The following DIAPH3 variants were observed in gnomAD, a reference collection of about 807,000 sequenced individuals.
The protein encoded by DIAPH3 is protein diaphanous homolog 3.
DIAPH3 carries 117 observed loss-of-function variants against 144.3 expected under a neutral mutation model. The ratio of observed to expected loss-of-function variants is 0.81; its 90% CI spans 0.70 to 0.95. DIAPH3 has a LOEUF of 0.95. Among genes scored for constraint, DIAPH3 ranks in the 40% least tolerant of loss-of-function variants. The pLI is 0.00. For missense variants in DIAPH3, 1,421 were observed against 1,412.7 expected (o/e 1.01, Z -0.09); for synonymous variants, 519 against 488.9 (o/e 1.06, Z -0.81).
chr13:60,112,318 G>T (rs2058591490), intron 2 of DIAPH3, 132 bp from the exon 3 acceptor site: 1 of 1,037,148 alleles, frequency 9.6e-7, no homozygotes, highest in Non-Finnish European at 1.4e-6. Flanking sequence ...ATTCAGCATT[G>T]GAATATTTAA....
At chr13:59,891,688 A>G (rs1353475714) in intron 20 of DIAPH3, among the ~76,000 whole-genome samples, 1 of 152,062 alleles carries the variant, frequency 6.6e-6, no homozygotes, top group Non-Finnish European at 1.5e-5. Flanking sequence ...TTGCAGAAGC[A>G]TTTAAACAGG....
intron 20 of DIAPH3, among the ~76,000 whole-genome samples, chr13:59,896,029 T>C (rs1243884269): frequency 6.6e-6 from 1 of 152,210 alleles, no homozygotes; most frequent in Non-Finnish European, 1.5e-5. Flanking sequence ...TCTAATTCTT[T>C]GCCAATATAT....
At chr13:59,982,351 C>A (rs1483679241) in intron 13 of DIAPH3, among the ~76,000 whole-genome samples, 1 of 151,378 alleles carries the variant, frequency 6.6e-6, no homozygotes, top group Non-Finnish European at 1.5e-5. Flanking sequence ...TATTCAAAAT[C>A]ATTCCACATT....
At chr13:59,770,052 GT>G (rs2038043404) in intron 27 of DIAPH3, among the ~76,000 whole-genome samples, 1 of 152,034 alleles carries the variant, frequency 6.6e-6, no homozygotes, top group Non-Finnish European at 1.5e-5. Flanking sequence ...CTTCTAAGAA[GT>G]GAGTAACCAA....
chr13:60,116,311 C>T (rs2058702200), intron 2 of DIAPH3, among the ~76,000 whole-genome samples: 1 of 151,982 alleles, frequency 6.6e-6, no homozygotes, highest in Non-Finnish European at 1.5e-5. Context: ...ATATAACTCA[C>T]CACCATAAGC....
At chr13:59,987,473 A>G (rs2051479181) in intron 12 of DIAPH3, among the ~76,000 whole-genome samples, 1 of 127,298 alleles carries the variant, frequency 7.9e-6, no homozygotes, top group Non-Finnish European at 1.6e-5. Context: ...CTTAAAGTAT[A>G]ATAAAAAAAA....
intron 27 of DIAPH3, among the ~76,000 whole-genome samples, chr13:59,766,194 A>G (rs2037850877): frequency 1.3e-5 from 2 of 152,164 alleles, no homozygotes; most frequent in South Asian, 4.1e-4. Context: ...TAGAACCTTT[A>G]GGCTGCTGGG....
At chr13:59,825,284 G>A (rs76380913) in intron 24 of DIAPH3, among the ~76,000 whole-genome samples, 2,970 of 152,066 alleles carry the variant, frequency 0.02, 82 homozygotes, top group East Asian at 0.12. Flanking sequence ...GAGAACATAT[G>A]GTGTTTGGTT....
chr13:59,901,933 G>A lies in DIAPH3; in HGVS notation c.2367+9802C>T, dbSNP rs1036080589. On this transcript the variant is annotated intron_variant, in intron 20 of 27. Coordinates refer to ENST00000400324, the MANE Select transcript of DIAPH3 (RefSeq NM_001042517.2). ...CACCCTCTGCCTCCCCAGTTCATGCGATTCTCATGCCTCAGCCACCCGAAT... is the reference window on the plus strand; with the variant it reads ...CACCCTCTGCCTCCCCAGTTCATGCAATTCTCATGCCTCAGCCACCCGAAT... Among the ~76,000 whole-genome samples, 4 of 152,122 alleles carry A rather than the reference G, an allele frequency of 2.6e-5. No homozygotes were observed. In the South Asian group the frequency reaches 6.2e-4, roughly 24 times the overall value.
At chr13:59,965,722 A>C (rs1015755100) in intron 17 of DIAPH3, among the ~76,000 whole-genome samples, 1 of 152,146 alleles carries the variant, frequency 6.6e-6, no homozygotes, top group Non-Finnish European at 1.5e-5. Flanking sequence ...CAAAATCAGC[A>C]TTTGTTATTC....
At chr13:59,708,923 C>A (rs1047517894) in intron 27 of DIAPH3, among the ~76,000 whole-genome samples, 1 of 151,994 alleles carries the variant, frequency 6.6e-6, no homozygotes, top group Non-Finnish European at 1.5e-5. Flanking sequence ...GACCTTTATT[C>A]CCATGTATAA....
chr13:59,670,644 G>A (rs187048326), intron 27 of DIAPH3, among the ~76,000 whole-genome samples: 4,509 of 149,902 alleles, frequency 0.03, 251 homozygotes, highest in African/African-American at 0.11. Flanking sequence ...GTGCAGTGGC[G>A]GGATCTCGGC....
chr13:60,066,394 T>G (rs894208369), intron 4 of DIAPH3, among the ~76,000 whole-genome samples: 1 of 152,186 alleles, frequency 6.6e-6, no homozygotes, highest in Non-Finnish European at 1.5e-5. Flanking sequence ...CAGGTCATGA[T>G]TCATACTTAA....
At chr13:59,715,447 G>T (rs1337704915) in intron 27 of DIAPH3, among the ~76,000 whole-genome samples, 1 of 152,144 alleles carries the variant, frequency 6.6e-6, no homozygotes, top group Admixed American at 6.5e-5. Flanking sequence ...AGCTTTGAAA[G>T]TTCCTTATAG....
intron 4 of DIAPH3, among the ~76,000 whole-genome samples, chr13:60,056,354 AAAG>A (rs530946488): frequency 1.4e-3 from 211 of 151,772 alleles, no homozygotes; most frequent in African/African-American, 4.9e-3. Flanking sequence ...AGATAGATGA[AAAG>A]AAGAATAAAG....
Position 59,924,785 on chromosome 13 carries a change from G to A in DIAPH3, c.2160C>T (p.Ala720=), listed in dbSNP as rs1486706188. The A allele has an allele frequency of 6.2e-7, 1 of 1,600,976 alleles. No homozygotes were observed. Among genetic ancestry groups the A allele is most frequent in the Non-Finnish European group, 8.5e-7 (1 of 1,171,128 alleles). ...KELKFLDSKI[A]QNLSIFLSSF... is the part of the protein sequence containing the mutation. ...GAATATGATACTTACAAAGGTTCTG[G>A]GCAATTTTAGAATCTAAAAACTTAA... Residue 720 remains alanine, a synonymous_variant, in exon 18 of 28, where the codon GCC becomes GCT. Coordinates refer to ENST00000400324, the MANE Select transcript of DIAPH3 (RefSeq NM_001042517.2).
intron 17 of DIAPH3, among the ~76,000 whole-genome samples, chr13:59,936,728 T>A (rs926214999): frequency 6.6e-6 from 1 of 152,186 alleles, no homozygotes; most frequent in Non-Finnish European, 1.5e-5. Flanking sequence ...TCATCACAAC[T>A]TCTCCAGAAA....
chr13:60,025,402 A>G (rs2054306814), intron 5 of DIAPH3, among the ~76,000 whole-genome samples: 1 of 129,950 alleles, frequency 7.7e-6, no homozygotes, highest in African/African-American at 3.0e-5. Context: ...AGTTGTGCTT[A>G]GCAAAAAAAA....
chr13:59,985,573 C>T (rs78898190), intron 12 of DIAPH3, among the ~76,000 whole-genome samples: 235 of 46,860 alleles, frequency 5.0e-3, no homozygotes, highest in Middle Eastern at 0.022. Flanking sequence ...TCTAGAAAAC[C>T]CCATCGTCTC....
Sources: gnomAD v4.1 joint callset for allele counts (sites outside exome capture counted in the v4.1 genomes callset) on GRCh38, gnomAD v4.1.1 for gene constraint, MANE v1.5 for transcripts, NCBI Gene and HGNC (gene_info 2026-07-23, HGNC 2026-07-21) for gene names.